The following UBR4 variants were observed in gnomAD, a reference collection of about 807,000 sequenced individuals.
The protein encoded by UBR4 is E3 ubiquitin-protein ligase UBR4.
In UBR4, 124 loss-of-function variants were observed where a neutral mutation model predicts 575.6. The ratio of observed to expected loss-of-function variants is 0.22; its 90% CI spans 0.19 to 0.25. UBR4 has a LOEUF of 0.25. Among genes scored for constraint, UBR4 ranks in the 10% least tolerant of loss-of-function variants. UBR4 has a pLI of 1.00. For missense variants in UBR4, 4,818 were observed against 6,478.8 expected (o/e 0.74, Z 8.80); for synonymous variants, 2,455 against 2,473.7 (o/e 0.99, Z 0.22).
intron 92 of UBR4, among the ~76,000 whole-genome samples, chr1:19,096,130 G>C (rs1057210554): frequency 6.6e-6 from 1 of 152,176 alleles, no homozygotes; most frequent in Non-Finnish European, 1.5e-5. Context: ...AGTATTTGTG[G>C]TGCCTCTCTG....
intron 68 of UBR4, 87 bp from the exon 69 acceptor site, chr1:19,120,435 G>A: frequency 2.0e-6 from 3 of 1,478,640 alleles, no homozygotes; most frequent in Non-Finnish European, 2.7e-6. Flanking sequence ...TGGTGAGGGA[G>A]GGAATTCTGT....
rs1292855095 is a variant in UBR4 at position 19,096,662 on chromosome 1, G to A, written c.13391-12C>T. ...ATCTTCTTCTTCATCTAGGGGAGAA[G>A]GGAAGCCAAGCAGAAATGGAGGGTA... On this transcript the variant is annotated splice_polypyrimidine_tract_variant and intron_variant, in intron 91 of 105. Transcript: ENST00000375254. 2 of 1,612,856 alleles carry A rather than the reference G, an allele frequency of 1.2e-6. No individual in the cohort carries two copies. Among genetic ancestry groups the A allele is most frequent in the Admixed American group, 3.3e-5 (2 of 59,794 alleles).
intron 53 of UBR4, 56 bp from the exon 54 acceptor site, chr1:19,144,963 G>C (rs1310193066): frequency 6.2e-7 from 1 of 1,602,244 alleles, no homozygotes; most frequent in African/African-American, 1.3e-5. Flanking sequence ...CTAACTACTT[G>C]AGAGTCTGAG....
At position 19,167,115 on chromosome 1, in the gene UBR4, C is replaced by T. The variant is rs890462722; in HGVS notation, c.4016G>A (p.Gly1339Asp). 1 of 1,614,190 alleles carries T rather than the reference C, an allele frequency of 6.2e-7. No homozygotes were observed. Among genetic ancestry groups the T allele is most frequent in the East Asian group, 2.2e-5 (1 of 44,892 alleles). Residue 1339 changes from glycine (G) to aspartate (D), a missense_variant, in exon 29 of 106, where the codon GGC becomes GAC. This residue lies in a region of UBR4 where 1,172 missense variants were observed against 1,259.7 expected (regional missense o/e 0.93). Transcript: ENST00000375254. ...ISSNSLERILGPAESDEFLAR... is the reference protein window; with the variant it reads ...ISSNSLERILDPAESDEFLAR... ...CAAGAACTCATCAGACTCAGCAGGG[C>T]CCAAGATGCGTTCCAGGGAGTTGCT...
At chr1:19,145,023 G>T in intron 53 of UBR4, 116 bp from the exon 54 acceptor site, 1 of 1,210,406 alleles carries the variant, frequency 8.3e-7, no homozygotes, top group Non-Finnish European at 1.2e-6. Flanking sequence ...CAAACAAAAT[G>T]ACAAACACTC....
At position 19,086,336 on chromosome 1, in the gene UBR4, G is replaced by A. The variant is rs1417893865; in HGVS notation, c.14688-66C>T. 3.5e-5 allele frequency: 34 copies of A among 966,888 alleles called. 1 individual carries two copies. Among genetic ancestry groups the A allele is most frequent in the Admixed American group, 5.2e-5 (2 of 38,380 alleles). The allele number at this position is 966,888 out of a possible 1,614,324, so 59.9% of individuals were successfully genotyped here. A position where few individuals can be genotyped will look rare whatever the true frequency, so the allele number is the denominator to read the frequency against. On this transcript the variant is annotated intron_variant, in intron 100 of 105. Transcript: ENST00000375254. ...TAACGTGGCAACCAGGCACCTGGGC[G>A]GGGGGGCGGGGGTGGGGGTGGGGGC...
In UBR4 at chr1:19,126,518, G is replaced by C. The variant is rs1162978603; in HGVS notation, c.9366C>G (p.Ser3122Arg). ...AGGTAGTATGTGGTTTCAGCAACTG[G>C]CTGGTAGCCACAGGCTCCTCGTCAT... ...QQNDEEPVAT[S>R]QLLKPHTTSS... The change falls in exon 64 of 106, where the codon AGC becomes AGG. Residue 3122 changes from serine (S) to arginine (R), a missense_variant. Ser to Arg is a moderately radical substitution (Grantham distance 110). This residue lies in a region of UBR4 where 550 missense variants were observed against 791.5 expected (regional missense o/e 0.69). Coordinates refer to ENST00000375254, the MANE Select transcript of UBR4 (RefSeq NM_020765.3). 2 of 1,614,198 alleles carry C rather than the reference G, an allele frequency of 1.2e-6. No individual in the cohort carries two copies. The highest frequency in any genetic ancestry group is 1.7e-6 in the Non-Finnish European group (2 of 1,180,028).
At position 19,093,025 on chromosome 1, in the gene UBR4, A is replaced by T; in HGVS notation, c.14112-107T>A. The T allele has an allele frequency of 1.9e-6, 2 of 1,034,860 alleles. No individual in the cohort carries two copies. The highest frequency in any genetic ancestry group is 1.4e-6 in the Non-Finnish European group (1 of 696,278). The allele number at this position is 1,034,860 out of a possible 1,614,324, so 64.1% of individuals were successfully genotyped here. A position where few individuals can be genotyped will look rare whatever the true frequency, so the allele number is the denominator to read the frequency against. On this transcript the variant is annotated intron_variant, in intron 96 of 105. Transcript: ENST00000375254. This position sits in a 1 kb window ranked among gnomAD's most constrained non-coding sequence, Gnocchi z 4.8. ...AACCCCCAGGGCATGATTAACCGTG[A>T]CCCTCTCCGAGTGTCATAAAGAATC...
intron 7 of UBR4, 139 bp from the exon 8 acceptor site, chr1:19,197,404 G>T: frequency 7.8e-7 from 1 of 1,289,724 alleles, no homozygotes; most frequent in Non-Finnish European, 1.1e-6. Context: ...CAAGGCAGGA[G>T]GATTGCTTGA....
At chr1:19,123,433 C>G (rs1270762349) in intron 65 of UBR4, among the ~76,000 whole-genome samples, 1 of 136,728 alleles carries the variant, frequency 7.3e-6, no homozygotes. Flanking sequence ...CCTGGGTCAA[C>G]AGAGTGAGAC....
chr1:19,082,171 CGCT>C (rs2076584757), intron 102 of UBR4: 2 of 224,012 alleles, frequency 8.9e-6, no homozygotes, highest in South Asian at 2.0e-4. Context: ...TCCAGATGAG[CGCT>C]GCTTCTTGTC....
At chr1:19,114,779 C>T (rs748975546) in intron 75 of UBR4, 32 bp downstream of exon 75, 3 of 1,612,178 alleles carry the variant, frequency 1.9e-6, no homozygotes, top group East Asian at 4.5e-5. Context: ...ATCAAGGCCA[C>T]AGCCCTGAGT....
Position 19,183,823 on chromosome 1 carries a change from T to C in UBR4, c.2172A>G (p.Ser724=). The C allele has an allele frequency of 6.2e-7, 1 of 1,614,144 alleles. No individual in the cohort carries two copies. Among genetic ancestry groups the C allele is most frequent in the East Asian group, 2.2e-5 (1 of 44,878 alleles). The part of the protein sequence containing the change: ...NHSLVTSDLQ[S]PNLQNTLLQQ... ...AGCACACACAAACCTGCAGGTTAGG[T>C]GACTGAAGGTCAGAGGTTACCAGTG... Residue 724 remains serine (S), a synonymous_variant, in exon 17 of 106, where the codon TCA becomes TCG. Coordinates refer to ENST00000375254, the MANE Select transcript of UBR4 (RefSeq NM_020765.3).
Position 19,121,245 on chromosome 1 carries a change from T to C in UBR4, c.10085A>G (p.Gln3362Arg), listed in dbSNP as rs1454473072. The stretch of plus-strand genomic sequence containing the variant: ...GCTCTTTTTAGTGGAAGACTTGGAC[T>C]GTGTTGTGGCTTGTCCAGAACTGGC... ...VAASSGQATT[Q>R]SKSSTKKSKK... Residue 3362 changes from glutamine to arginine, a missense_variant, in exon 68 of 106, where the codon CAG (glutamine) becomes CGG (arginine). Coordinates refer to ENST00000375254, the MANE Select transcript of UBR4 (RefSeq NM_020765.3). The C allele has an allele frequency of 6.2e-7, 1 of 1,614,120 alleles. No homozygotes were observed. Among genetic ancestry groups the C allele is most frequent in the Non-Finnish European group, 8.5e-7 (1 of 1,180,042 alleles).
At chr1:19,106,496 G>C in intron 83 of UBR4, 73 bp downstream of exon 83, 1 of 1,477,524 alleles carries the variant, frequency 6.8e-7, no homozygotes. Context: ...CACATGGTGA[G>C]GGGCAGAAAC....
intron 102 of UBR4, 38 bp from the exon 103 acceptor site, chr1:19,081,611 G>A (rs2076512882): frequency 6.2e-7 from 1 of 1,609,138 alleles, no homozygotes; most frequent in Non-Finnish European, 8.5e-7. Flanking sequence ...AAAGCAGGGT[G>A]GAAGCAGGAC....
intron 2 of UBR4, among the ~76,000 whole-genome samples, chr1:19,200,978 T>C (rs1489238726): frequency 6.6e-6 from 1 of 152,104 alleles, no homozygotes; most frequent in African/African-American, 2.4e-5. Context: ...ACCCTGTCAC[T>C]ATAAAATATT....
chr1:19,115,344 A>G lies in UBR4; in HGVS notation c.11063+54T>C, dbSNP rs367639099. 45 of 1,587,384 alleles carry G rather than the reference A, an allele frequency of 2.8e-5. No homozygotes were observed. The East Asian group carries it at 9.4e-4, about 33-fold the overall frequency. Reference sequence around the variant, plus strand: ...ATTGCTCACACTGACACTACTACAGAAAAATAACAAGGAATGTGCACAGCC... The same window carrying G: ...ATTGCTCACACTGACACTACTACAGGAAAATAACAAGGAATGTGCACAGCC... On this transcript the variant is annotated intron_variant, in intron 74 of 105. Coordinates refer to ENST00000375254, the MANE Select transcript of UBR4 (RefSeq NM_020765.3).
In UBR4 at chr1:19,179,039, C is replaced by G. The variant is rs200683631; in HGVS notation, c.2354+12G>C. Reference sequence around the variant, plus strand: ...AACTTTCTCTATAGGCCTTCTCTTACAGACATCTTACCTGTCCCAAACTTT... The same window carrying G: ...AACTTTCTCTATAGGCCTTCTCTTAGAGACATCTTACCTGTCCCAAACTTT... On this transcript the variant is annotated intron_variant, in intron 18 of 105. Coordinates refer to ENST00000375254, the MANE Select transcript of UBR4 (RefSeq NM_020765.3). 104 of 1,610,636 alleles carry G rather than the reference C, an allele frequency of 6.5e-5. No homozygotes were observed. The East Asian group carries it at 2.1e-3, about 33-fold the overall frequency.
Sources: gnomAD v4.1 joint callset for allele counts (sites outside exome capture counted in the v4.1 genomes callset) on GRCh38, gnomAD v4.1.1 for gene constraint, gnomAD v4.1.1 regional missense constraint, Gnocchi (gnomAD v3.1) non-coding constraint, MANE v1.5 for transcripts, NCBI Gene and HGNC (gene_info 2026-07-23, HGNC 2026-07-21) for gene names.